The following GYPB variants were observed in gnomAD, a reference collection of about 807,000 sequenced individuals.
The protein encoded by GYPB is glycophorin B (MNS blood group).
A neutral mutation model predicts 15.3 loss-of-function variants in GYPB; 13 were observed. The observed-to-expected ratio is 0.85, with a 90% CI of 0.55 to 1.35. The LOEUF is 1.35. Among genes scored for constraint, GYPB ranks in the 40% most tolerant of loss-of-function variants. The pLI is 0.00. For missense variants in GYPB, 131 were observed against 108.3 expected (o/e 1.21, Z -0.93); for synonymous variants, 38 against 36.9 (o/e 1.03, Z -0.11).
At chr4:143,999,670 T>G (rs188763242) in intron 2 of GYPB, among the ~76,000 whole-genome samples, 1 of 151,574 alleles carries the variant, frequency 6.6e-6, no homozygotes, top group African/African-American at 2.4e-5. Flanking sequence ...CACGTATTCA[T>G]GGATGAGAAA....
intron 1 of GYPB, among the ~76,000 whole-genome samples, chr4:144,002,261 C>T (rs918215770): frequency 6.6e-6 from 1 of 151,336 alleles, no homozygotes; most frequent in Non-Finnish European, 1.5e-5. Flanking sequence ...GAACATTTGA[C>T]ACATTTTGAT....
At chr4:144,002,570 C>T in intron 1 of GYPB, 1 of 1,283,546 alleles carries the variant, frequency 7.8e-7, no homozygotes, top group Non-Finnish European at 1.0e-6. Context: ...TGTAGATGTA[C>T]CTTTGCTCAT....
chr4:144,008,137 G>T (rs1285825146), intron 1 of GYPB, among the ~76,000 whole-genome samples: 1 of 151,604 alleles, frequency 6.6e-6, no homozygotes, highest in Non-Finnish European at 1.5e-5. Context: ...GAAAACATCA[G>T]AAACATTGCC....
chr4:144,010,891 A>G (rs1216065850), intron 1 of GYPB, among the ~76,000 whole-genome samples: 3 of 151,488 alleles, frequency 2.0e-5, no homozygotes, highest in Non-Finnish European at 4.4e-5. Flanking sequence ...AGTAGGCTGT[A>G]TACTTTAGAA....
intron 1 of GYPB, among the ~76,000 whole-genome samples, chr4:144,008,943 A>C (rs1728070994): frequency 6.6e-6 from 1 of 151,518 alleles, no homozygotes; most frequent in East Asian, 1.9e-4. Flanking sequence ...TTTCGAGGTC[A>C]ATTCTTACAT....
rs573125349 is a variant in GYPB, at chr4:144,011,281, G to A, written c.37+7970C>T. On this transcript the variant is annotated intron_variant, in intron 1 of 4. Transcript: ENST00000502664. ...TGTATTGTCAGCTACTTGGGAGGCTGAGGCAGGAGAATTGCTTGAACCCGG... is the reference window on the plus strand; with the variant it reads ...TGTATTGTCAGCTACTTGGGAGGCTAAGGCAGGAGAATTGCTTGAACCCGG... Among the ~76,000 whole-genome samples, 21 of 151,494 alleles carry A rather than the reference G, an allele frequency of 1.4e-4. No individual in the cohort carries two copies. In the South Asian group the frequency reaches 4.4e-3, roughly 31 times the overall value.
At chr4:144,016,902 A>G in intron 1 of GYPB, 2 of 349,062 alleles carry the variant, frequency 5.7e-6, no homozygotes, top group Non-Finnish European at 1.1e-5. Context: ...CACGTTTAGC[A>G]TAAATGTCAT....
chr4:144,016,140 GAAAAAAAAAA>G (rs10594193), intron 1 of GYPB, among the ~76,000 whole-genome samples: 3 of 38,846 alleles, frequency 7.7e-5, no homozygotes, highest in African/African-American at 3.2e-4. Context: ...TTGGATCCCT[GAAAAAAAAAA>G]AAAAAAAAAA....
intron 1 of GYPB, among the ~76,000 whole-genome samples, chr4:144,010,979 A>G (rs1728187069): frequency 1.3e-5 from 2 of 151,664 alleles, no homozygotes; most frequent in South Asian, 4.1e-4. Context: ...ATAATAAAAT[A>G]TGAAATAGGA....
intron 2 of GYPB, chr4:144,000,442 G>A: frequency 1.7e-6 from 2 of 1,180,954 alleles, no homozygotes; most frequent in Non-Finnish European, 2.2e-6. Context: ...TTCATTAGCA[G>A]TATGAGCTGG....
intron 1 of GYPB, among the ~76,000 whole-genome samples, chr4:144,007,137 GC>G (rs1292563080): frequency 1.3e-5 from 2 of 150,826 alleles, no homozygotes; most frequent in Non-Finnish European, 2.9e-5. Context: ...AGCCAAAGCA[GC>G]CAACTACAAT....
chr4:144,017,703 A>G (rs1728578485), intron 1 of GYPB, among the ~76,000 whole-genome samples: 2 of 151,244 alleles, frequency 1.3e-5, no homozygotes, highest in Non-Finnish European at 2.9e-5. Context: ...TGCTGGGCAC[A>G]CCCCCAGTAG....
Position 144,015,473 on chromosome 4 carries a change from C to A in GYPB, c.37+3778G>T, listed in dbSNP as rs183552046. 9.6e-4 allele frequency among the ~76,000 whole-genome samples: 145 copies of A among 151,290 alleles called. 10 individuals carry two copies. The highest frequency in any genetic ancestry group is 3.5e-3 in the African/African-American group (142 of 40,674). ...TTTTGAGCAAAAGATATTACATTTG[C>A]AGTTGGTGTCAAAATATAATCTATA... On this transcript the variant is annotated intron_variant, in intron 1 of 4. Transcript: ENST00000502664.
chr4:143,999,051 C>T (rs954497564), intron 3 of GYPB, among the ~76,000 whole-genome samples: 10 of 151,062 alleles, frequency 6.6e-5, no homozygotes, highest in Non-Finnish European at 1.5e-4. Flanking sequence ...GTTGAGACTA[C>T]AGGTGCATGC....
In GYPB at chr4:144,017,356, G is replaced by T. The variant is rs929774823; in HGVS notation, c.37+1895C>A. On this transcript the variant is annotated intron_variant, in intron 1 of 4. Transcript: ENST00000502664. ...TCATAGCAAAAAAAAAAAAGAAAAA[G>T]AAAAAAAAAGAAAAAGACTTCACCA... is the stretch of plus-strand genomic sequence containing the variant. Among the ~76,000 whole-genome samples the T allele has an allele frequency of 8.7e-4, 124 of 142,956 alleles. 4 individuals carry two copies. The highest frequency in any genetic ancestry group is 3.3e-3 in the African/African-American group (117 of 35,456). 93.8% of individuals were successfully genotyped at this position (142,956 alleles called of 152,430 possible).
intron 1 of GYPB, chr4:144,008,270 A>C: frequency 2.4e-6 from 1 of 409,372 alleles, no homozygotes; most frequent in Non-Finnish European, 4.9e-6. Flanking sequence ...AGAATGAGGG[A>C]ATCAAGTAAG....
chr4:144,015,849 T>G (rs562682859), intron 1 of GYPB, among the ~76,000 whole-genome samples: 2 of 151,338 alleles, frequency 1.3e-5, no homozygotes, highest in Admixed American at 1.3e-4. Flanking sequence ...AGATACCATC[T>G]ACTCGGTGCT....
chr4:144,003,192 A>G (rs911251345), intron 1 of GYPB, among the ~76,000 whole-genome samples: 1 of 151,496 alleles, frequency 6.6e-6, no homozygotes, highest in African/African-American at 2.5e-5. Context: ...ATCTCTCTTA[A>G]TAAATGTTAG....
intron 1 of GYPB, among the ~76,000 whole-genome samples, chr4:144,009,368 A>C (rs1011244888): frequency 6.6e-6 from 1 of 151,036 alleles, no homozygotes; most frequent in Non-Finnish European, 1.5e-5. Context: ...TTCCTATGTA[A>C]AGGGAGAGAG....
Sources: gnomAD v4.1 joint callset for allele counts (sites outside exome capture counted in the v4.1 genomes callset) on GRCh38, gnomAD v4.1.1 for gene constraint, MANE v1.5 for transcripts, NCBI Gene and HGNC (gene_info 2026-07-23, HGNC 2026-07-21) for gene names.